The following GRIN2D variants were observed in gnomAD, a reference collection of about 807,000 sequenced individuals.
GRIN2D encodes glutamate receptor ionotropic, NMDA 2D.
Under a neutral mutation model 103.2 loss-of-function variants are expected in GRIN2D, and 37 were observed. The ratio of observed to expected loss-of-function variants is 0.36; its 90% CI spans 0.28 to 0.47. The LOEUF (loss-of-function observed/expected upper bound fraction) is 0.47. GRIN2D is among the 20% of genes least tolerant of loss of function. GRIN2D has a pLI of 1.00. For synonymous variants in GRIN2D, 845 were observed against 885.6 expected (o/e 0.95, Z 0.81); for missense variants, 1,557 against 1,910.6 (o/e 0.81, Z 3.45).
At position 48,414,307 on chromosome 19, in the gene GRIN2D, T is replaced by A; in HGVS notation, c.1201-66T>A. 3.0e-6 allele frequency: 4 copies of A among 1,331,714 alleles called. No individual in the cohort carries two copies. Among genetic ancestry groups the A allele is most frequent in the Non-Finnish European group, 4.2e-6 (4 of 956,408 alleles). 82.5% of individuals were successfully genotyped at this position (1,331,714 alleles called of 1,614,324 possible). ...CACACCTAGGTCTGAGGGAAGAGGA[T>A]CATGGAGGCCAGGATACACCGGGAA... On this transcript the variant is annotated intron_variant, in intron 5 of 13. Transcript: ENST00000263269. The surrounding 1 kb of genome is among the most constrained non-coding windows in gnomAD (Gnocchi z 4.6).
chr19:48,405,206 G>T lies in GRIN2D; in HGVS notation c.938G>T (p.Arg313Leu). The T allele has an allele frequency of 6.2e-7, 1 of 1,603,144 alleles. No individual in the cohort carries two copies. Among genetic ancestry groups the T allele is most frequent in the East Asian group, 2.2e-5 (1 of 44,686 alleles). ...GLFAVRSAGW[R>L]DDLARRVAAG... ...TTTGCAGTGCGCTCGGCTGGCTGGC[G>T]GGATGACCTGGCTCGGCGAGTGGCA... Residue 313 changes from arginine (R) to leucine (L), a missense_variant, in exon 4 of 14, where the codon CGG (arginine) becomes CTG (leucine). Transcript: ENST00000263269. The surrounding 1 kb of genome is among the most constrained non-coding windows in gnomAD (Gnocchi z 5.1).
intron 11 of GRIN2D, among the ~76,000 whole-genome samples, chr19:48,426,472 C>T (rs576107293): frequency 4.9e-4 from 74 of 151,974 alleles, no homozygotes; most frequent in African/African-American, 1.7e-3. Flanking sequence ...GTGATCCAAC[C>T]GCCTTGGCCT....
At chr19:48,412,829 A>G (rs992660901) in intron 4 of GRIN2D, among the ~76,000 whole-genome samples, 3 of 137,364 alleles carry the variant, frequency 2.2e-5, no homozygotes, top group African/African-American at 5.4e-5. Flanking sequence ...CCACACATTA[A>G]AAAAAAAAAA....
intron 2 of GRIN2D, among the ~76,000 whole-genome samples, chr19:48,397,036 G>C (rs754948469): frequency 6.6e-6 from 1 of 152,122 alleles, no homozygotes; most frequent in Non-Finnish European, 1.5e-5. Flanking sequence ...CACAGGAAGA[G>C]AGGCTGTATT....
At chr19:48,417,221 C>G (rs560496878) in intron 8 of GRIN2D, among the ~76,000 whole-genome samples, 1 of 152,262 alleles carries the variant, frequency 6.6e-6, no homozygotes, top group African/African-American at 2.4e-5. Flanking sequence ...GCCTGGATGA[C>G]AGAGCCAGAC....
Position 48,404,762 on chromosome 19 carries a change from G to T in GRIN2D, c.494G>T (p.Gly165Val). The T allele has an allele frequency of 7.5e-6, 12 of 1,610,440 alleles. No individual in the cohort carries two copies. Among genetic ancestry groups the T allele is most frequent in the Non-Finnish European group, 9.3e-6 (11 of 1,177,606 alleles). Residue 165 changes from glycine (G) to valine (V), a missense_variant, in exon 4 of 14, where the codon GGC (glycine) becomes GTC (valine). Physicochemically the swap from Gly to Val is moderately radical, Grantham distance 109. This residue lies in a region of GRIN2D where 490 missense variants were observed against 601.1 expected (regional missense o/e 0.82). Transcript: ENST00000263269. ...AAGGGCTCCACCTTCCTGCAGCTGG[G>T]CTCTTCCACCGAGCAACAGCTTCAG... ...KEKGSTFLQL[G>V]SSTEQQLQVI... is the part of the protein sequence containing the mutation.
chr19:48,399,329 G>A (rs1018007897), intron 3 of GRIN2D, among the ~76,000 whole-genome samples: 2 of 152,224 alleles, frequency 1.3e-5, no homozygotes, highest in Non-Finnish European at 2.9e-5. Flanking sequence ...GCTTTGGAAA[G>A]CCGAGGCCGG....
At position 48,394,693 on chromosome 19, in the gene GRIN2D, G is replaced by T. The variant is rs1808426557; in HGVS notation, c.-270G>T. ...GTAGCCACGTCCTCGCCTAGTCCAGGTGGCCGCAACCTTGGGGGAGAGACA... is the reference window on the plus strand; with the variant it reads ...GTAGCCACGTCCTCGCCTAGTCCAGTTGGCCGCAACCTTGGGGGAGAGACA... On this transcript the variant is annotated 5_prime_UTR_variant, in exon 2 of 14. Coordinates refer to ENST00000263269, the MANE Select transcript of GRIN2D (RefSeq NM_000836.4). This position sits in a 1 kb window ranked among gnomAD's most constrained non-coding sequence, Gnocchi z 5.1. Among the ~76,000 whole-genome samples, 1 of 152,210 alleles carries T rather than the reference G, an allele frequency of 6.6e-6. No homozygotes were observed. Among genetic ancestry groups the T allele is most frequent in the African/African-American group, 2.4e-5 (1 of 41,452 alleles).
intron 4 of GRIN2D, among the ~76,000 whole-genome samples, chr19:48,413,385 C>T (rs918019265): frequency 1.3e-5 from 2 of 151,560 alleles, no homozygotes; most frequent in Middle Eastern, 3.4e-3. Flanking sequence ...GAGGCTGAGG[C>T]AGGAGGATTG....
intron 11 of GRIN2D, among the ~76,000 whole-genome samples, chr19:48,422,347 T>C (rs1463168300): frequency 6.6e-6 from 1 of 152,186 alleles, no homozygotes; most frequent in Non-Finnish European, 1.5e-5. Context: ...GCACGGTGGC[T>C]CATGCCTGTA....
chr19:48,416,284 T>G (rs756683697), intron 8 of GRIN2D, 129 bp downstream of exon 8: 24 of 684,280 alleles, frequency 3.5e-5, no homozygotes, highest in Non-Finnish European at 5.6e-5. Flanking sequence ...GCAACTTCGG[T>G]GAAGTGACAT....
At chr19:48,410,052 T>G (rs1157762557) in intron 4 of GRIN2D, among the ~76,000 whole-genome samples, 1 of 151,616 alleles carries the variant, frequency 6.6e-6, no homozygotes, top group Non-Finnish European at 1.5e-5. Context: ...CCCAAAGTGC[T>G]GGGATTACAG....
At chr19:48,400,244 C>T (rs926332143) in intron 3 of GRIN2D, among the ~76,000 whole-genome samples, 6 of 151,528 alleles carry the variant, frequency 4.0e-5, no homozygotes, top group African/African-American at 1.2e-4. Flanking sequence ...GGAGGTGGGG[C>T]CTGAGAAGGG....
Position 48,421,686 on chromosome 19 carries a change from T to TG in GRIN2D, c.2092-95dup. 1.1e-6 allele frequency: 1 copy of TG among 938,980 alleles called. No homozygotes were observed. Among genetic ancestry groups the TG allele is most frequent in the Non-Finnish European group, 1.7e-6 (1 of 593,176 alleles). The allele number at this position is 938,980 out of a possible 1,614,324, so 58.2% of individuals were successfully genotyped here. On this transcript the variant is annotated intron_variant, in intron 10 of 13. Transcript: ENST00000263269. The surrounding 1 kb of genome is among the most constrained non-coding windows in gnomAD (Gnocchi z 4.8). ...GAGAAATATTGAACACTCCTGGGAC[T>TG]GGGGTGTCTGCCAGATAGCGGGTGT...
intron 10 of GRIN2D, among the ~76,000 whole-genome samples, chr19:48,420,987 T>A (rs533080097): frequency 6.3e-4 from 96 of 152,320 alleles, no homozygotes; most frequent in African/African-American, 2.2e-3. Context: ...GAGCATACTT[T>A]GAGACTAAAG....
rs1012970176 is a variant in GRIN2D, at chr19:48,442,023, G to A, written c.2440+67G>A. On this transcript the variant is annotated intron_variant, in intron 12 of 13. Coordinates refer to ENST00000263269, the MANE Select transcript of GRIN2D (RefSeq NM_000836.4). The surrounding 1 kb of genome is among the most constrained non-coding windows in gnomAD (Gnocchi z 7.2). ...GGCGAGGCCCCTGGGTTCCGGGGAA[G>A]AAAGGGACAAAGACCCGGACACCAG... 9 of 1,530,928 alleles carry A rather than the reference G, an allele frequency of 5.9e-6. No homozygotes were observed. The highest frequency in any genetic ancestry group is 8.0e-6 in the Non-Finnish European group (9 of 1,124,986). The allele number at this position is 1,530,928 out of a possible 1,614,324, so 94.8% of individuals were successfully genotyped here. A position where few individuals can be genotyped will look rare whatever the true frequency, so the allele number is the denominator to read the frequency against.
chr19:48,421,637 T>G lies in GRIN2D; in HGVS notation c.2092-148T>G. ...GTGCTGGGTGGGAGTGGAAAAGCAT[T>G]CCCTAATGTAGTGAGCGAGTGTTGA... On this transcript the variant is annotated intron_variant, in intron 10 of 13. Transcript: ENST00000263269. The surrounding 1 kb of genome is among the most constrained non-coding windows in gnomAD (Gnocchi z 4.8). 1 of 648,376 alleles carries G rather than the reference T, an allele frequency of 1.5e-6. No homozygotes were observed. Among genetic ancestry groups the G allele is most frequent in the South Asian group, 2.0e-5 (1 of 50,808 alleles). 40.2% of individuals were successfully genotyped at this position (648,376 alleles called of 1,614,324 possible).
intron 11 of GRIN2D, among the ~76,000 whole-genome samples, chr19:48,439,420 G>A (rs1378763202): frequency 6.6e-6 from 1 of 152,060 alleles, no homozygotes; most frequent in African/African-American, 2.4e-5. Flanking sequence ...CTACATGCCA[G>A]GAACTATGCC....
intron 11 of GRIN2D, among the ~76,000 whole-genome samples, chr19:48,434,690 T>C (rs578257533): frequency 6.6e-6 from 1 of 152,072 alleles, no homozygotes; most frequent in Non-Finnish European, 1.5e-5. Flanking sequence ...CACCTTGGCC[T>C]CCCAAAGCGA....
Sources: gnomAD v4.1 joint callset for allele counts (sites outside exome capture counted in the v4.1 genomes callset) on GRCh38, gnomAD v4.1.1 for gene constraint, gnomAD v4.1.1 regional missense constraint, Gnocchi (gnomAD v3.1) non-coding constraint, MANE v1.5 for transcripts, NCBI Gene and HGNC (gene_info 2026-07-23, HGNC 2026-07-21) for gene names.